Variants in SORCS1 observed in about 807,000 individuals in gnomAD.
SORCS1 encodes VPS10 domain-containing receptor SorCS1.
SORCS1 carries 60 observed loss-of-function variants against 146.1 expected under a neutral mutation model. The observed-to-expected ratio is 0.41, with a 90% CI of 0.33 to 0.51. The LOEUF (loss-of-function observed/expected upper bound fraction) is 0.51, where lower values mean the gene tolerates loss of function less well. Ranked by LOEUF, SORCS1 falls within the 20% of genes least tolerant of loss-of-function variation. The pLI, the probability that SORCS1 is intolerant of heterozygous loss-of-function variation, is 0.21. For missense variants in SORCS1, 1,352 were observed against 1,487.6 expected, an observed-to-expected ratio of 0.91 and a Z score of 1.50; for synonymous variants, 637 against 584.0, an observed-to-expected ratio of 1.09 and a Z score of -1.31.
At position 106,594,160 on chromosome 10, in the gene SORCS1, A is replaced by T. The variant is rs1845772969; in HGVS notation, c.3265+3191T>A. Among the ~76,000 whole-genome samples the T allele has an allele frequency of 2.6e-5, 4 of 152,268 alleles. No individual in the cohort carries two copies. The South Asian group carries it at 8.3e-4, about 32-fold the overall frequency. ...CTGGCCAAACCAGTCTCAGCTAATTACCCACTTTTTGATCTCAATATTTCA... is the reference window on the plus strand; with the variant it reads ...CTGGCCAAACCAGTCTCAGCTAATTTCCCACTTTTTGATCTCAATATTTCA... On this transcript the variant is annotated intron_variant, in intron 24 of 25. Transcript: ENST00000263054.
At chr10:106,989,008 C>A (rs1213043896) in intron 1 of SORCS1, among the ~76,000 whole-genome samples, 1 of 151,612 alleles carries the variant, frequency 6.6e-6, no homozygotes, top group East Asian at 1.9e-4. Context: ...CACCCGTAAT[C>A]CCAGCACTTT....
At chr10:106,608,148 A>C (rs1023814060) in intron 22 of SORCS1, among the ~76,000 whole-genome samples, 9 of 152,170 alleles carry the variant, frequency 5.9e-5, no homozygotes, top group African/African-American at 2.2e-4. Flanking sequence ...TCCTTGTCCA[A>C]AATGCTTGCA....
chr10:107,107,657 G>T (rs1965398862), intron 1 of SORCS1, among the ~76,000 whole-genome samples: 1 of 152,184 alleles, frequency 6.6e-6, no homozygotes, highest in African/African-American at 2.4e-5. Flanking sequence ...AGCCTTTGTG[G>T]GAACCTTGGA....
In SORCS1 at chr10:107,164,178, T is replaced by G; in HGVS notation, c.349A>C (p.Lys117Gln). 1 of 1,612,060 alleles carries G rather than the reference T, an allele frequency of 6.2e-7. No homozygotes were observed. Among genetic ancestry groups the G allele is most frequent in the Non-Finnish European group, 8.5e-7 (1 of 1,179,904 alleles). Residue 117 changes from lysine to glutamine, a missense_variant, in exon 1 of 26, where the codon AAG (lysine) becomes CAG (glutamine). By Grantham distance (53) the Lys-to-Gln change is moderately conservative. Around this residue, in one of 3 missense-constraint regions of SORCS1, gnomAD observed 490 missense variants for 489.1 expected, o/e 1.00. Coordinates refer to ENST00000263054, the MANE Select transcript of SORCS1 (RefSeq NM_052918.5). The surrounding 1 kb of genome is among the most constrained non-coding windows in gnomAD (Gnocchi z 6.8). ...CTCGCGCCCTCTCCCCGTTCTGCCT[T>G]CTCCTGATCCGCTCCGCTCCGTCTC... ...RRRRSGADQE[K>Q]AERGEGASRS...
rs772536992 is a variant in SORCS1, at chr10:106,629,340, C to T, written c.2524G>A (p.Ala842Thr). ...LIQVDFGDGI[A>T]VSYVNLSSME... is the part of the protein sequence containing the mutation. ...GAGCTGAGATTGACGTAAGACACCG[C>T]GATACCATCGCCAAAGTCCACTTGG... The change falls in exon 19 of 26, where the codon GCG becomes ACG. Residue 842 changes from alanine to threonine, a missense_variant. Physicochemically the swap from Ala to Thr is moderately conservative, Grantham distance 58. This residue lies in a region of SORCS1 where 648 missense variants were observed against 793.8 expected (regional missense o/e 0.82). Coordinates refer to ENST00000263054, the MANE Select transcript of SORCS1 (RefSeq NM_052918.5). The T allele has an allele frequency of 1.5e-5, 24 of 1,614,026 alleles. No individual in the cohort carries two copies. Among genetic ancestry groups the T allele is most frequent in the South Asian group, 1.4e-4 (13 of 91,072 alleles).
intron 3 of SORCS1, among the ~76,000 whole-genome samples, chr10:106,789,155 C>G (rs563808892): frequency 6.6e-6 from 1 of 152,304 alleles, no homozygotes; most frequent in East Asian, 1.9e-4. Flanking sequence ...AGTCCCTAGG[C>G]TGCACAGAGC....
chr10:107,070,786 T>C (rs531412687), intron 1 of SORCS1, among the ~76,000 whole-genome samples: 141 of 152,280 alleles, frequency 9.3e-4, no homozygotes, highest in African/African-American at 3.2e-3. Flanking sequence ...TTAATGACTA[T>C]GTTACTGAAT....
intron 1 of SORCS1, among the ~76,000 whole-genome samples, chr10:106,970,792 G>A (rs1955744326): frequency 6.6e-6 from 1 of 151,788 alleles, no homozygotes; most frequent in South Asian, 2.1e-4. Context: ...AGGCTGGAGT[G>A]CAATGGCGTG....
At chr10:106,665,783 A>G (rs986650670) in intron 17 of SORCS1, among the ~76,000 whole-genome samples, 1 of 152,102 alleles carries the variant, frequency 6.6e-6, no homozygotes, top group African/African-American at 2.4e-5. Flanking sequence ...TGCGAACTTG[A>G]CTGCGCCATA....
At chr10:106,678,134 G>T (rs1852173639) in intron 12 of SORCS1, among the ~76,000 whole-genome samples, 1 of 152,132 alleles carries the variant, frequency 6.6e-6, no homozygotes, top group African/African-American at 2.4e-5. Context: ...GTGTAGCCTT[G>T]CCTGGAGTTA....
intron 3 of SORCS1, among the ~76,000 whole-genome samples, chr10:106,776,950 T>G (rs1212395922): frequency 1.3e-5 from 2 of 152,164 alleles, no homozygotes; most frequent in East Asian, 1.9e-4. Flanking sequence ...TTCTCTTCTC[T>G]TTTAGGGGAC....
intron 8 of SORCS1, among the ~76,000 whole-genome samples, chr10:106,701,353 A>G (rs952158622): frequency 6.6e-6 from 1 of 152,172 alleles, no homozygotes; most frequent in Non-Finnish European, 1.5e-5. Flanking sequence ...AGCTTTTAGA[A>G]CCGGCTTTCA....
chr10:106,911,211 G>A (rs890736030), intron 2 of SORCS1, among the ~76,000 whole-genome samples: 5 of 152,206 alleles, frequency 3.3e-5, no homozygotes, highest in African/African-American at 7.2e-5. Context: ...GACACCAGTA[G>A]ATTAGCTTTC....
intron 18 of SORCS1, among the ~76,000 whole-genome samples, chr10:106,642,572 T>C (rs1849143935): frequency 6.6e-6 from 1 of 152,230 alleles, no homozygotes; most frequent in African/African-American, 2.4e-5. Context: ...CATGTATTGC[T>C]AGTAGGGGCA....
chr10:106,583,698 T>C (rs112134702), intron 24 of SORCS1, among the ~76,000 whole-genome samples: 248 of 151,934 alleles, frequency 1.6e-3, no homozygotes, highest in Non-Finnish European at 2.5e-3. Context: ...TTAGTAGAGA[T>C]GGGGTTTCAC....
intron 6 of SORCS1, among the ~76,000 whole-genome samples, chr10:106,714,546 T>TA (rs1564889251): frequency 2.0e-5 from 3 of 152,222 alleles, no homozygotes; most frequent in African/African-American, 7.2e-5. Flanking sequence ...TCTGTGTATC[T>TA]AAAATTATTC....
chr10:106,898,514 CACTGGA>C (rs1354916131), intron 2 of SORCS1, among the ~76,000 whole-genome samples: 8 of 152,204 alleles, frequency 5.3e-5, no homozygotes. Context: ...ATGAGCATGG[CACTGGA>C]AACCTCCCAG....
At chr10:107,105,842 GACACTCAAT>G (rs1268595328) in intron 1 of SORCS1, among the ~76,000 whole-genome samples, 2 of 152,134 alleles carry the variant, frequency 1.3e-5, no homozygotes, top group African/African-American at 4.8e-5. Context: ...CCATCAAGTT[GACACTCAAT>G]ATTAACCATC....
rs189553185 is a variant in SORCS1, at chr10:106,640,199, C to T, written c.2476-10811G>A. ...TTTTATCAACAGCCATCTTCTCTACCATCTGATGGCTGACAGCATCCTGCA... is the reference window on the plus strand; with the variant it reads ...TTTTATCAACAGCCATCTTCTCTACTATCTGATGGCTGACAGCATCCTGCA... On this transcript the variant is annotated intron_variant, in intron 18 of 25. Coordinates refer to ENST00000263054, the MANE Select transcript of SORCS1 (RefSeq NM_052918.5). Among the ~76,000 whole-genome samples the T allele has an allele frequency of 5.3e-5, 8 of 152,270 alleles. 1 individual carries two copies. The highest frequency in any genetic ancestry group is 4.6e-4 in the Admixed American group (7 of 15,298).
Sources: gnomAD v4.1 joint callset for allele counts (sites outside exome capture counted in the v4.1 genomes callset) on GRCh38, gnomAD v4.1.1 for gene constraint, gnomAD v4.1.1 regional missense constraint, Gnocchi (gnomAD v3.1) non-coding constraint, MANE v1.5 for transcripts, NCBI Gene and HGNC (gene_info 2026-07-23, HGNC 2026-07-21) for gene names.